The following STOX1 variants were observed in gnomAD, a reference collection of about 807,000 sequenced individuals.
STOX1 encodes storkhead-box protein 1.
STOX1 carries 57 observed loss-of-function variants against 74.8 expected under a neutral mutation model. That is an observed-to-expected ratio of 0.76 (90% CI 0.62 to 0.95). The LOEUF (loss-of-function observed/expected upper bound fraction) is 0.95, where lower values mean the gene tolerates loss of function less well. Among genes scored for constraint, STOX1 ranks in the 40% least tolerant of loss-of-function variants. STOX1 has a pLI of 0.00. For synonymous variants in STOX1, 375 were observed against 401.3 expected (o/e 0.93, Z 0.78); for missense variants, 1,010 against 1,117.0 (o/e 0.90, Z 1.37).
At chr10:68,860,993 G>C (rs1446496673) in intron 1 of STOX1, among the ~76,000 whole-genome samples, 1 of 152,106 alleles carries the variant, frequency 6.6e-6, no homozygotes, top group Admixed American at 6.5e-5. Flanking sequence ...CAGATCACCT[G>C]AGTTCAGGAG....
rs1172483771 is a variant in STOX1, at chr10:68,885,894, G to T, written c.2098G>T (p.Val700Phe). ...AGAAGAATTATTGAGAAAAGGATTT[G>T]TCCAGGATGCAGAGACTACAAGCCT... Reference protein sequence around the residue: ...DSEELLRKGFVQDAETTSLEN... With the variant: ...DSEELLRKGFFQDAETTSLEN... Residue 700 changes from valine to phenylalanine, a missense_variant, in exon 3 of 4, where the codon GTC becomes TTC. Coordinates refer to ENST00000298596, the MANE Select transcript of STOX1 (RefSeq NM_152709.5). The T allele has an allele frequency of 1.2e-6, 2 of 1,614,174 alleles. No homozygotes were observed. Among genetic ancestry groups the T allele is most frequent in the South Asian group, 1.1e-5 (1 of 91,084 alleles).
chr10:68,830,792 A>G (rs1290732280), intron 1 of STOX1, among the ~76,000 whole-genome samples: 1 of 152,154 alleles, frequency 6.6e-6, no homozygotes, highest in Non-Finnish European at 1.5e-5. Context: ...TTGAGGAGCA[A>G]AATGGAGAAA....
At chr10:68,865,949 A>C (rs188089270) in intron 1 of STOX1, among the ~76,000 whole-genome samples, 1 of 152,100 alleles carries the variant, frequency 6.6e-6, no homozygotes, top group African/African-American at 2.4e-5. Flanking sequence ...TGGAGGCTTA[A>C]CAATGGCCAC....
chr10:68,850,097 C>T (rs1224534833), intron 1 of STOX1, among the ~76,000 whole-genome samples: 1 of 152,144 alleles, frequency 6.6e-6, no homozygotes, highest in Non-Finnish European at 1.5e-5. Context: ...TCACTACAAC[C>T]TCCACCTCCC....
Position 68,859,118 on chromosome 10 carries a change from A to T in STOX1, c.311-22840A>T, listed in dbSNP as rs531380671. ...GGGATTGCCTGCTTCTGAAATATAC[A>T]TGATGTTAGTCATTATTTGCCCCTC... is the stretch of plus-strand genomic sequence containing the variant. On this transcript the variant is annotated intron_variant, in intron 1 of 3. Transcript: ENST00000298596. Among the ~76,000 whole-genome samples, 15 of 152,144 alleles carry T rather than the reference A, an allele frequency of 9.9e-5. No homozygotes were observed. The East Asian group carries it at 2.7e-3, about 27-fold the overall frequency.
rs77168890 is a variant in STOX1, at chr10:68,863,682, A to G, written c.311-18276A>G. On this transcript the variant is annotated intron_variant, in intron 1 of 3. Coordinates refer to ENST00000298596, the MANE Select transcript of STOX1 (RefSeq NM_152709.5). ...AGTGATGTAAAAAAGGGTGCATTTT[A>G]CTCCTAGCTGTTTGCAATTGGGTAA... Among the ~76,000 whole-genome samples, 44 of 152,066 alleles carry G rather than the reference A, an allele frequency of 2.9e-4. 1 individual carries two copies. The East Asian group carries it at 8.3e-3, about 29-fold the overall frequency.
chr10:68,857,682 G>C (rs990940620), intron 1 of STOX1, among the ~76,000 whole-genome samples: 1 of 152,112 alleles, frequency 6.6e-6, no homozygotes, highest in Admixed American at 6.5e-5. Context: ...GGTCACATTA[G>C]AAGCAGGATG....
chr10:68,865,614 A>C (rs939970898), intron 1 of STOX1, among the ~76,000 whole-genome samples: 2 of 152,250 alleles, frequency 1.3e-5, no homozygotes, highest in African/African-American at 4.8e-5. Flanking sequence ...CTGCCACTGC[A>C]CTCCAGCCTG....
chr10:68,850,920 C>T (rs913667569), intron 1 of STOX1, among the ~76,000 whole-genome samples: 16 of 147,508 alleles, frequency 1.1e-4, no homozygotes, highest in East Asian at 6.1e-4. Context: ...TGCAGTGAGC[C>T]GAGATCGAGC....
chr10:68,853,220 C>T (rs371398616), intron 1 of STOX1, among the ~76,000 whole-genome samples: 6 of 152,088 alleles, frequency 3.9e-5, no homozygotes, highest in African/African-American at 9.7e-5. Flanking sequence ...CCACTGTGCC[C>T]GGCCGGTCAT....
chr10:68,856,138 G>A (rs1163270218), intron 1 of STOX1, among the ~76,000 whole-genome samples: 1 of 152,054 alleles, frequency 6.6e-6, no homozygotes, highest in African/African-American at 2.4e-5. Flanking sequence ...TCATGTTTTA[G>A]GACTTCCTCC....
At chr10:68,841,491 T>G (rs1839691999) in intron 1 of STOX1, among the ~76,000 whole-genome samples, 1 of 152,178 alleles carries the variant, frequency 6.6e-6, no homozygotes, top group African/African-American at 2.4e-5. Flanking sequence ...TGCCTCCATT[T>G]TTACATAAAT....
chr10:68,891,662 C>T (rs983843509), intron 3 of STOX1, among the ~76,000 whole-genome samples: 2 of 151,740 alleles, frequency 1.3e-5, no homozygotes, highest in Non-Finnish European at 2.9e-5. Flanking sequence ...ATTAGCCAGG[C>T]GTGGTGGCAC....
At chr10:68,847,685 C>T (rs974787319) in intron 1 of STOX1, among the ~76,000 whole-genome samples, 3 of 151,642 alleles carry the variant, frequency 2.0e-5, no homozygotes, top group African/African-American at 4.8e-5. Flanking sequence ...GCTGGGATTA[C>T]AGGCATGAGC....
chr10:68,869,341 G>A (rs990046263), intron 1 of STOX1, among the ~76,000 whole-genome samples: 1 of 152,176 alleles, frequency 6.6e-6, no homozygotes, highest in African/African-American at 2.4e-5. Flanking sequence ...GAATGATTGA[G>A]GGACTGTGCT....
At chr10:68,890,276 C>T (rs1199076314) in intron 3 of STOX1, among the ~76,000 whole-genome samples, 3 of 152,036 alleles carry the variant, frequency 2.0e-5, no homozygotes, top group Non-Finnish European at 4.4e-5. Flanking sequence ...AGCAAATCAG[C>T]CTCCTGTGTA....
At position 68,846,297 on chromosome 10, in the gene STOX1, C is replaced by G. The variant is rs553418408; in HGVS notation, c.310+18364C>G. Among the ~76,000 whole-genome samples the G allele has an allele frequency of 4.6e-5, 7 of 151,968 alleles. 1 individual carries two copies. In the South Asian group the frequency reaches 1.5e-3, roughly 32 times the overall value. Reference sequence around the variant, plus strand: ...GAATAGCTGGGAGTACAGGCATGCACCACCAGACCTGGCTAATGTTTTTTG... The same window carrying G: ...GAATAGCTGGGAGTACAGGCATGCAGCACCAGACCTGGCTAATGTTTTTTG... On this transcript the variant is annotated intron_variant, in intron 1 of 3. Coordinates refer to ENST00000298596, the MANE Select transcript of STOX1 (RefSeq NM_152709.5).
intron 1 of STOX1, among the ~76,000 whole-genome samples, chr10:68,839,182 C>T (rs1839633758): frequency 6.6e-6 from 1 of 152,114 alleles, no homozygotes; most frequent in Non-Finnish European, 1.5e-5. Flanking sequence ...AAAAACAATT[C>T]TAAAATTCGT....
At position 68,886,194 on chromosome 10, in the gene STOX1, T is replaced by C; in HGVS notation, c.2398T>C (p.Tyr800His). ...ESQVLKRNEC[Y>H]KPTGLHATPG... ...TCAGGTGCTTAAAAGAAATGAATGC[T>C]ACAAACCCACTGGGCTGCATGCTAC... is the stretch of plus-strand genomic sequence containing the variant. The change falls in exon 3 of 4, where the codon TAC becomes CAC. Residue 800 changes from tyrosine to histidine, a missense_variant. Transcript: ENST00000298596. 1 of 1,614,136 alleles carries C rather than the reference T, an allele frequency of 6.2e-7. No individual in the cohort carries two copies. Among genetic ancestry groups the C allele is most frequent in the East Asian group, 2.2e-5 (1 of 44,874 alleles).
Sources: gnomAD v4.1 joint callset for allele counts (sites outside exome capture counted in the v4.1 genomes callset) on GRCh38, gnomAD v4.1.1 for gene constraint, MANE v1.5 for transcripts, NCBI Gene and HGNC (gene_info 2026-07-23, HGNC 2026-07-21) for gene names.